KCMF1: variants seen among roughly 807,000 people sequenced by gnomAD.
KCMF1 encodes the protein E3 ubiquitin-protein ligase KCMF1.
Under a neutral mutation model 41.1 loss-of-function variants are expected in KCMF1, and 3 were observed. That is an observed-to-expected ratio of 0.07 (90% CI 0.03 to 0.19). The LOEUF is 0.19. Among genes scored for constraint, KCMF1 ranks in the 10% least tolerant of loss-of-function variants. KCMF1 has a pLI of 1.00. For missense variants in KCMF1, 286 were observed against 488.9 expected, an observed-to-expected ratio of 0.58 and a Z score of 3.91; for synonymous variants, 142 against 164.5, an observed-to-expected ratio of 0.86 and a Z score of 1.04.
chr2:85,038,322 A>G (rs1174159174), intron 3 of KCMF1, among the ~76,000 whole-genome samples: 3 of 152,210 alleles, frequency 2.0e-5, no homozygotes, highest in Non-Finnish European at 4.4e-5. Flanking sequence ...CAACTCTTGA[A>G]AGGACCTTTA....
intron 1 of KCMF1, among the ~76,000 whole-genome samples, chr2:84,997,764 CTTT>C (rs112460793): frequency 7.6e-4 from 61 of 80,244 alleles, no homozygotes; most frequent in African/African-American, 2.8e-3. Context: ...AATACATTTT[CTTT>C]TTTTTTTTTT....
chr2:85,004,768 C>G (rs377565376), intron 1 of KCMF1, among the ~76,000 whole-genome samples: 26 of 152,192 alleles, frequency 1.7e-4, no homozygotes, highest in African/African-American at 6.3e-4. Flanking sequence ...TTTCATGAGT[C>G]TTGCTTGAAC....
intron 1 of KCMF1, among the ~76,000 whole-genome samples, chr2:85,016,695 CTT>C (rs747440965): frequency 1.6e-4 from 23 of 142,910 alleles, no homozygotes; most frequent in Admixed American, 2.8e-4. Flanking sequence ...TATAGTTTAT[CTT>C]TTTTTTTTTT....
intron 1 of KCMF1, among the ~76,000 whole-genome samples, chr2:85,003,322 A>G (rs1674379006): frequency 6.6e-6 from 1 of 152,072 alleles, no homozygotes; most frequent in Non-Finnish European, 1.5e-5. Context: ...AAAAAAGAAA[A>G]AAAAAATTAG....
At chr2:84,993,086 C>T (rs939598684) in intron 1 of KCMF1, among the ~76,000 whole-genome samples, 1 of 151,496 alleles carries the variant, frequency 6.6e-6, no homozygotes, top group African/African-American at 2.4e-5. Context: ...ACTTGGGAGG[C>T]TGAGATGAAA....
At chr2:85,005,424 G>A (rs1473740165) in intron 1 of KCMF1, among the ~76,000 whole-genome samples, 1 of 151,504 alleles carries the variant, frequency 6.6e-6, no homozygotes, top group Non-Finnish European at 1.5e-5. Flanking sequence ...GAGTAGCTGG[G>A]ACTACAGGCG....
At chr2:85,034,071 C>A (rs762831588) in intron 2 of KCMF1, among the ~76,000 whole-genome samples, 8 of 151,640 alleles carry the variant, frequency 5.3e-5, no homozygotes, top group Non-Finnish European at 1.2e-4. Flanking sequence ...TGGCACACAC[C>A]TGTAGTTCAG....
intron 2 of KCMF1, among the ~76,000 whole-genome samples, chr2:85,029,785 G>A (rs777116961): frequency 1.3e-5 from 2 of 149,584 alleles, no homozygotes; most frequent in African/African-American, 4.9e-5. Flanking sequence ...GGGTTCAAGC[G>A]ATTCTCCTGC....
intron 4 of KCMF1, among the ~76,000 whole-genome samples, chr2:85,045,493 G>GA (rs1675642629): frequency 6.6e-6 from 1 of 152,034 alleles, no homozygotes; most frequent in Admixed American, 6.6e-5. Flanking sequence ...TACTTTAAAG[G>GA]AAAAATCTCT....
chr2:85,005,150 A>G (rs931584748), intron 1 of KCMF1, among the ~76,000 whole-genome samples: 5 of 151,052 alleles, frequency 3.3e-5, no homozygotes, highest in Middle Eastern at 3.4e-3. Flanking sequence ...CACAAGATCC[A>G]CCCGCCTCAG....
rs1163405427 is a variant in KCMF1 at position 85,006,295 on chromosome 2, C to CTTTTTTTTT, written c.17-21579_17-21571dup. The stretch of plus-strand genomic sequence containing the variant: ...CTTACCCACTAAATATTCTCATTTT[C>CTTTTTTTTT]TTTTTTTTTTTTTTTTTTTTTTTGA... On this transcript the variant is annotated intron_variant, in intron 1 of 6. Coordinates refer to ENST00000409785, the MANE Select transcript of KCMF1 (RefSeq NM_020122.5). Among the ~76,000 whole-genome samples, 54 of 94,212 alleles carry CTTTTTTTTT rather than the reference C, an allele frequency of 5.7e-4. 1 individual carries two copies. Among genetic ancestry groups the CTTTTTTTTT allele is most frequent in the African/African-American group, 7.2e-4 (16 of 22,078 alleles). 61.8% of individuals were successfully genotyped at this position (94,212 alleles called of 152,430 possible). A position where few individuals can be genotyped will look rare whatever the true frequency, so the allele number is the denominator to read the frequency against.
At chr2:85,000,187 A>G (rs1674292751) in intron 1 of KCMF1, among the ~76,000 whole-genome samples, 2 of 152,192 alleles carry the variant, frequency 1.3e-5, no homozygotes, top group South Asian at 4.2e-4. Flanking sequence ...GTGCAGTGGC[A>G]CAGTCTCGGC....
chr2:85,041,902 A>G (rs1012681952), intron 3 of KCMF1, among the ~76,000 whole-genome samples: 3 of 152,080 alleles, frequency 2.0e-5, no homozygotes, highest in East Asian at 1.9e-4. Flanking sequence ...TAAAATATGT[A>G]TATCAGACAT....
intron 5 of KCMF1, among the ~76,000 whole-genome samples, chr2:85,047,733 G>C (rs1675707573): frequency 1.3e-5 from 2 of 151,920 alleles, no homozygotes; most frequent in Non-Finnish European, 1.5e-5. Context: ...TAATCTGCAA[G>C]ACACACCAAG....
At position 85,027,832 on chromosome 2, in the gene KCMF1, A is replaced by G. The variant is rs375619378; in HGVS notation, c.17-57A>G. On this transcript the variant is annotated intron_variant, in intron 1 of 6. Transcript: ENST00000409785. ...ATGAGCACCTGAAACATTCATAAAA[A>G]TGAAATCAAGAGTGGCCTTTACAAC... 37 of 1,083,296 alleles carry G rather than the reference A, an allele frequency of 3.4e-5. No individual in the cohort carries two copies. The African/African-American group carries it at 5.2e-4, about 15-fold the overall frequency. The allele number at this position is 1,083,296 out of a possible 1,614,324, so 67.1% of individuals were successfully genotyped here. A position where few individuals can be genotyped will look rare whatever the true frequency, so the allele number is the denominator to read the frequency against.
At chr2:85,004,870 T>C (rs1674427754) in intron 1 of KCMF1, among the ~76,000 whole-genome samples, 1 of 152,020 alleles carries the variant, frequency 6.6e-6, no homozygotes, top group African/African-American at 2.4e-5. Context: ...AGTTTCACTC[T>C]TGTCGCCCAG....
intron 1 of KCMF1, among the ~76,000 whole-genome samples, chr2:85,008,042 C>T (rs1674514509): frequency 6.6e-6 from 1 of 151,788 alleles, no homozygotes; most frequent in Non-Finnish European, 1.5e-5. Context: ...GGATTACAGG[C>T]GTGAGCCACC....
At chr2:84,982,440 C>T (rs1430517448) in intron 1 of KCMF1, among the ~76,000 whole-genome samples, 1 of 96,588 alleles carries the variant, frequency 1.0e-5, no homozygotes, top group African/African-American at 4.3e-5. Flanking sequence ...TCTTACTTGT[C>T]GCCCAGGCTG....
chr2:84,974,822 C>T (rs1673504224), intron 1 of KCMF1, among the ~76,000 whole-genome samples: 1 of 148,308 alleles, frequency 6.7e-6, no homozygotes, highest in African/African-American at 2.5e-5. Flanking sequence ...TCTCCTGCCT[C>T]AGCCTCCCGC....
Sources: gnomAD v4.1 joint callset for allele counts (sites outside exome capture counted in the v4.1 genomes callset) on GRCh38, gnomAD v4.1.1 for gene constraint, MANE v1.5 for transcripts, NCBI Gene and HGNC (gene_info 2026-07-23, HGNC 2026-07-21) for gene names.